The following LAMA1 variants were observed in gnomAD, a reference collection of about 807,000 sequenced individuals.
LAMA1 encodes the protein laminin subunit alpha-1.
LAMA1 carries 219 observed loss-of-function variants against 348.7 expected under a neutral mutation model. That is an observed-to-expected ratio of 0.63 (90% CI 0.56 to 0.70). The LOEUF (loss-of-function observed/expected upper bound fraction) is 0.70, where lower values mean the gene tolerates loss of function less well. LAMA1 is among the 30% of genes least tolerant of loss of function. The pLI is 0.00. For synonymous variants in LAMA1, 1,487 were observed against 1,491.0 expected (o/e 1.00, Z 0.06); for missense variants, 3,744 against 3,888.0 (o/e 0.96, Z 0.99).
intron 54 of LAMA1, 105 bp from the exon 55 acceptor site, chr18:6,958,767 T>C: frequency 1.0e-6 from 1 of 958,236 alleles, no homozygotes; most frequent in East Asian, 2.6e-5. Flanking sequence ...TAATAAAAGT[T>C]CCCTAAAGGT....
chr18:6,988,018 G>A (rs1053686222), intron 36 of LAMA1, among the ~76,000 whole-genome samples: 2 of 152,142 alleles, frequency 1.3e-5, no homozygotes, highest in Admixed American at 1.3e-4. Flanking sequence ...GGAGGCTGAG[G>A]TGGGAAAATC....
At chr18:7,044,647 G>T (rs532749434) in intron 7 of LAMA1, 75 bp downstream of exon 7, 2 of 1,146,968 alleles carry the variant, frequency 1.7e-6, no homozygotes, top group African/African-American at 1.5e-5. Context: ...AACTATAAAA[G>T]TTGTTAAGAC....
At chr18:6,982,404 G>T in intron 41 of LAMA1, 93 bp downstream of exon 41, 1 of 1,004,144 alleles carries the variant, frequency 1.0e-6, no homozygotes, top group Non-Finnish European at 1.6e-6. Context: ...TAAGCTTCAA[G>T]TTGCTGCATG....
At chr18:7,029,997 G>A (rs936009528) in intron 16 of LAMA1, among the ~76,000 whole-genome samples, 5 of 150,904 alleles carry the variant, frequency 3.3e-5, no homozygotes, top group Admixed American at 2.0e-4. Flanking sequence ...AACCAGCAAG[G>A]TTAGATTTAA....
chr18:6,971,826 T>C, intron 48 of LAMA1, 31 bp downstream of exon 48: 3 of 1,613,858 alleles, frequency 1.9e-6, no homozygotes, highest in Non-Finnish European at 2.5e-6. Flanking sequence ...CAGAATAACA[T>C]ACTATGTGCT....
chr18:7,109,711 C>T (rs2058328116), intron 1 of LAMA1, among the ~76,000 whole-genome samples: 1 of 152,132 alleles, frequency 6.6e-6, no homozygotes, highest in Non-Finnish European at 1.5e-5. Flanking sequence ...AGTTCAGCTA[C>T]AGAAAGGTGT....
At chr18:7,091,618 C>A (rs995576453) in intron 1 of LAMA1, among the ~76,000 whole-genome samples, 3 of 152,188 alleles carry the variant, frequency 2.0e-5, no homozygotes. Flanking sequence ...ACTTTAGCAT[C>A]CTTGTTTCAC....
intron 3 of LAMA1, among the ~76,000 whole-genome samples, chr18:7,075,027 A>C: frequency 6.9e-6 from 1 of 145,118 alleles, no homozygotes; most frequent in Non-Finnish European, 1.5e-5. Context: ...GACAGCTGTC[A>C]TCAATTAGAG....
intron 28 of LAMA1, 25 bp downstream of exon 28, chr18:7,008,463 T>C (rs770778183): frequency 2.5e-5 from 40 of 1,613,324 alleles, no homozygotes; most frequent in Middle Eastern, 1.6e-4. Context: ...ACCCAGGAAA[T>C]AGATTTCGAC....
chr18:6,972,951 A>T, intron 47 of LAMA1, 106 bp downstream of exon 47: 1 of 1,342,340 alleles, frequency 7.4e-7, no homozygotes, highest in Non-Finnish European at 1.1e-6. Context: ...TTGGCCTCCC[A>T]AAGTTCTGGG....
rs995424944 is a variant in LAMA1 at position 6,965,136 on chromosome 18, G to C, written c.7195+152C>G. 2.5e-5 allele frequency: 25 copies of C among 991,146 alleles called. No homozygotes were observed. In the African/African-American group the frequency reaches 3.6e-4, roughly 14 times the overall value. 61.4% of individuals were successfully genotyped at this position (991,146 alleles called of 1,614,324 possible). On this transcript the variant is annotated intron_variant, in intron 50 of 62. Transcript: ENST00000389658. ...CCTCCTCCAGCAAAATGTGAATCCT[G>C]TTGGTTAGTATTCCAAAGACAACAC...
At position 6,971,725 on chromosome 18, in the gene LAMA1, T is replaced by C. The variant is rs572457416; in HGVS notation, c.6899+132A>G. Reference sequence around the variant, plus strand: ...CGTATGAAAAAGCATGGCTTTGTAATTGGCAGCTAAACACCTACCAGCGAT... The same window carrying C: ...CGTATGAAAAAGCATGGCTTTGTAACTGGCAGCTAAACACCTACCAGCGAT... On this transcript the variant is annotated intron_variant, in intron 48 of 62. Coordinates refer to ENST00000389658, the MANE Select transcript of LAMA1 (RefSeq NM_005559.4). 3.9e-5 allele frequency: 48 copies of C among 1,231,850 alleles called. No individual in the cohort carries two copies. In the African/African-American group the frequency reaches 4.2e-4, roughly 11 times the overall value. The allele number at this position is 1,231,850 out of a possible 1,614,324, so 76.3% of individuals were successfully genotyped here.
intron 19 of LAMA1, among the ~76,000 whole-genome samples, chr18:7,022,742 G>A (rs1033390490): frequency 9.2e-5 from 14 of 152,114 alleles, no homozygotes; most frequent in Non-Finnish European, 2.1e-4. Context: ...GGTGCTTTAC[G>A]CAGTTTCTGG....
At chr18:7,050,374 T>C (rs561803539) in intron 4 of LAMA1, among the ~76,000 whole-genome samples, 1 of 152,150 alleles carries the variant, frequency 6.6e-6, no homozygotes, top group Admixed American at 6.5e-5. Context: ...AACTACAACT[T>C]TGGGGGACAT....
intron 59 of LAMA1, among the ~76,000 whole-genome samples, chr18:6,948,791 T>G (rs2057533555): frequency 6.6e-6 from 1 of 152,208 alleles, no homozygotes; most frequent in African/African-American, 2.4e-5. Flanking sequence ...AGTGAAATAT[T>G]GTGGAAATCA....
At chr18:7,012,528 C>CA (rs947560164) in intron 23 of LAMA1, among the ~76,000 whole-genome samples, 3 of 148,536 alleles carry the variant, frequency 2.0e-5, no homozygotes, top group Non-Finnish European at 4.4e-5. Context: ...TTATTTAAGA[C>CA]AGAGTCTCGC....
intron 1 of LAMA1, among the ~76,000 whole-genome samples, chr18:7,105,085 T>C (rs949711034): frequency 3.3e-5 from 5 of 152,008 alleles, no homozygotes; most frequent in African/African-American, 1.2e-4. Context: ...AAGCCAAATA[T>C]TGAGGAAAAC....
chr18:7,045,339 A>G (rs1291338262), intron 6 of LAMA1, among the ~76,000 whole-genome samples: 2 of 152,060 alleles, frequency 1.3e-5, no homozygotes, highest in Non-Finnish European at 2.9e-5. Flanking sequence ...GCATGGTGGC[A>G]CGTGCCTGTA....
intron 42 of LAMA1, among the ~76,000 whole-genome samples, chr18:6,980,118 C>G (rs572055747): frequency 1.3e-5 from 2 of 152,154 alleles, no homozygotes; most frequent in Non-Finnish European, 2.9e-5. Context: ...GATGGCCAAG[C>G]GAGCAGTCTT....
Sources: allele counts gnomAD v4.1 joint callset (sites outside exome capture counted in the v4.1 genomes callset), GRCh38; gene constraint gnomAD v4.1.1; transcripts MANE v1.5; gene names NCBI Gene and HGNC (gene_info 2026-07-23, HGNC 2026-07-21).